Variants in DLG2 observed in about 807,000 individuals in gnomAD.
The protein encoded by DLG2 is discs large MAGUK scaffold protein 2.
DLG2 carries 45 observed loss-of-function variants against 132.5 expected under a neutral mutation model. That is an observed-to-expected ratio of 0.34 (90% CI 0.27 to 0.44). The LOEUF (loss-of-function observed/expected upper bound fraction) is 0.44, where lower values mean the gene tolerates loss of function less well. DLG2 is among the 20% of genes least tolerant of loss of function. The pLI is 1.00. For synonymous variants in DLG2, 424 were observed against 419.6 expected, an observed-to-expected ratio of 1.01 and a Z score of -0.13; for missense variants, 1,045 against 1,196.9, an observed-to-expected ratio of 0.87 and a Z score of 1.87.
intron 7 of DLG2, among the ~76,000 whole-genome samples, chr11:84,439,348 G>A (rs558521951): frequency 1.3e-5 from 2 of 152,094 alleles, no homozygotes; most frequent in African/African-American, 2.4e-5. Flanking sequence ...CAGAAATCTC[G>A]AGTGCTCACC....
intron 18 of DLG2, among the ~76,000 whole-genome samples, chr11:83,680,852 T>A (rs1209577533): frequency 6.6e-6 from 1 of 151,764 alleles, no homozygotes; most frequent in Non-Finnish European, 1.5e-5. Context: ...ATGCAAAAAA[T>A]AAAGCAATGA....
chr11:85,394,111 C>T (rs111840553), intron 3 of DLG2, among the ~76,000 whole-genome samples: 2 of 152,168 alleles, frequency 1.3e-5, no homozygotes, highest in Admixed American at 6.6e-5. Context: ...CAGCAGAAGA[C>T]AGGTTGTCTG....
chr11:85,295,238 A>G (rs561599403), intron 3 of DLG2, among the ~76,000 whole-genome samples: 1 of 152,294 alleles, frequency 6.6e-6, no homozygotes, highest in Non-Finnish European at 1.5e-5. Context: ...TCAGAAGATA[A>G]GTAACTATAT....
chr11:83,845,174 T>C (rs1404031110), intron 16 of DLG2, among the ~76,000 whole-genome samples: 2 of 152,118 alleles, frequency 1.3e-5, no homozygotes, highest in African/African-American at 4.8e-5. Flanking sequence ...TCCTGAATCC[T>C]TTTTCCTTCA....
At chr11:84,921,556 G>T (rs1347353676) in intron 6 of DLG2, among the ~76,000 whole-genome samples, 2 of 152,134 alleles carry the variant, frequency 1.3e-5, no homozygotes, top group Admixed American at 6.5e-5. Flanking sequence ...AGAGTAAAAA[G>T]AAATTTCCCA....
At chr11:84,482,777 C>T (rs1258955312) in intron 7 of DLG2, among the ~76,000 whole-genome samples, 5 of 152,012 alleles carry the variant, frequency 3.3e-5, no homozygotes, top group African/African-American at 1.2e-4. Context: ...AGTTTGCTTC[C>T]CAAAGTTTAT....
intron 19 of DLG2, among the ~76,000 whole-genome samples, chr11:83,617,963 T>G (rs1235990064): frequency 2.0e-5 from 3 of 152,154 alleles, no homozygotes; most frequent in Non-Finnish European, 4.4e-5. Context: ...TGGCACTACA[T>G]TCCAGACTGT....
chr11:84,194,518 G>C (rs1375612838), intron 8 of DLG2, among the ~76,000 whole-genome samples: 5 of 152,164 alleles, frequency 3.3e-5, no homozygotes, highest in East Asian at 1.9e-4. Flanking sequence ...TGTTGGCTTG[G>C]GCAGTCTGCT....
intron 6 of DLG2, among the ~76,000 whole-genome samples, chr11:85,091,640 G>C (rs141946355): frequency 1.9e-4 from 29 of 152,230 alleles, no homozygotes; most frequent in African/African-American, 6.3e-4. Context: ...CTTTGTTGTC[G>C]TGTCTACAAT....
intron 3 of DLG2, among the ~76,000 whole-genome samples, chr11:85,381,998 A>G (rs973088539): frequency 6.6e-6 from 1 of 152,160 alleles, no homozygotes; most frequent in Non-Finnish European, 1.5e-5. Context: ...AAAATCTCAG[A>G]TGACTTTTTT....
intron 3 of DLG2, among the ~76,000 whole-genome samples, chr11:85,285,943 A>T (rs1466979100): frequency 6.6e-6 from 1 of 151,986 alleles, no homozygotes; most frequent in Non-Finnish European, 1.5e-5. Context: ...ATAGCACAAA[A>T]AGTAAACCTT....
intron 10 of DLG2, among the ~76,000 whole-genome samples, chr11:84,062,428 T>C (rs1594406560): frequency 2.6e-5 from 4 of 152,322 alleles, no homozygotes; most frequent in East Asian, 3.9e-4. Context: ...CATTGTAACC[T>C]ACCATAGATC....
intron 7 of DLG2, among the ~76,000 whole-genome samples, chr11:84,277,852 C>A (rs1251539851): frequency 6.6e-6 from 1 of 152,058 alleles, no homozygotes; most frequent in Non-Finnish European, 1.5e-5. Flanking sequence ...AAGATGACAT[C>A]CCTGCCAATC....
At chr11:85,446,431 A>T (rs1383428887) in intron 3 of DLG2, among the ~76,000 whole-genome samples, 8 of 152,178 alleles carry the variant, frequency 5.3e-5, no homozygotes, top group Admixed American at 3.3e-4. Flanking sequence ...TCTTTTTCAA[A>T]TAACAATTCT....
chr11:84,437,146 C>T (rs191136795), intron 7 of DLG2, among the ~76,000 whole-genome samples: 1 of 152,298 alleles, frequency 6.6e-6, no homozygotes, highest in African/African-American at 2.4e-5. Context: ...GACACTGTAT[C>T]AGTTGATGAT....
chr11:84,503,478 C>T (rs1221535589), intron 7 of DLG2, among the ~76,000 whole-genome samples: 4 of 152,164 alleles, frequency 2.6e-5, no homozygotes, highest in African/African-American at 9.7e-5. Flanking sequence ...ACCAGGACCC[C>T]TCAGTCCTCC....
chr11:85,171,573 C>T (rs1391061497), intron 4 of DLG2, among the ~76,000 whole-genome samples: 4 of 152,178 alleles, frequency 2.6e-5, no homozygotes, highest in East Asian at 1.9e-4. Flanking sequence ...CCACGCATTA[C>T]GCTAGGAAGG....
intron 3 of DLG2, among the ~76,000 whole-genome samples, chr11:85,430,848 CAAAAAA>C (rs34643624): frequency 3.1e-5 from 4 of 131,100 alleles, no homozygotes; most frequent in Admixed American, 8.0e-5. Flanking sequence ...GCTAGCCAGT[CAAAAAA>C]AAAAAAAAAA....
chr11:83,957,085 A>G (rs2087067446), intron 14 of DLG2, among the ~76,000 whole-genome samples: 1 of 152,236 alleles, frequency 6.6e-6, no homozygotes, highest in African/African-American at 2.4e-5. Flanking sequence ...AGCTTTTGTG[A>G]TAAAATATAC....
Sources: gnomAD v4.1 joint callset for allele counts (sites outside exome capture counted in the v4.1 genomes callset) on GRCh38, gnomAD v4.1.1 for gene constraint, MANE v1.5 for transcripts, NCBI Gene and HGNC (gene_info 2026-07-23, HGNC 2026-07-21) for gene names.